DKK2: variants seen among roughly 807,000 people sequenced by gnomAD.
The protein encoded by DKK2 is dickkopf-related protein 2.
In DKK2, 11 loss-of-function variants were observed where a neutral mutation model predicts 28.1. The ratio of observed to expected loss-of-function variants is 0.39; its 90% CI spans 0.25 to 0.65. The LOEUF (loss-of-function observed/expected upper bound fraction) is 0.65, where lower values mean the gene tolerates loss of function less well. Among genes scored for constraint, DKK2 ranks in the 30% least tolerant of loss-of-function variants. The pLI is 0.47. For synonymous variants in DKK2, 135 were observed against 126.5 expected (o/e 1.07, Z -0.45); for missense variants, 326 against 335.5 (o/e 0.97, Z 0.22).
intron 1 of DKK2, among the ~76,000 whole-genome samples, chr4:106,997,242 T>A (rs1359094969): frequency 6.6e-6 from 1 of 152,194 alleles, no homozygotes. Flanking sequence ...CTTTCTATAC[T>A]TTTAACATCT....
intron 1 of DKK2, among the ~76,000 whole-genome samples, chr4:106,991,244 TGC>T (rs1723198929): frequency 6.6e-6 from 1 of 152,224 alleles, no homozygotes; most frequent in Non-Finnish European, 1.5e-5. Context: ...TTTTTGGAAT[TGC>T]CCAGGTTTGT....
At chr4:106,985,832 A>AAAAAG (rs1578368585) in intron 1 of DKK2, among the ~76,000 whole-genome samples, 1 of 151,724 alleles carries the variant, frequency 6.6e-6, no homozygotes, top group African/African-American at 2.4e-5. Context: ...AAAAAAAAGA[A>AAAAAG]AAAAGAAAAG....
At chr4:106,953,725 C>T (rs1722537807) in intron 1 of DKK2, among the ~76,000 whole-genome samples, 1 of 151,690 alleles carries the variant, frequency 6.6e-6, no homozygotes, top group Non-Finnish European at 1.5e-5. Flanking sequence ...ACACTTTAAC[C>T]TCTTTCTGAC....
chr4:107,001,602 G>A (rs1399826824), intron 1 of DKK2, among the ~76,000 whole-genome samples: 1 of 152,092 alleles, frequency 6.6e-6, no homozygotes, highest in Non-Finnish European at 1.5e-5. Context: ...AAGATGCTTG[G>A]TGCTCAGTAA....
intron 1 of DKK2, among the ~76,000 whole-genome samples, chr4:106,960,483 C>T (rs909599786): frequency 6.6e-6 from 1 of 152,034 alleles, no homozygotes; most frequent in Non-Finnish European, 1.5e-5. Flanking sequence ...GTACACTACC[C>T]AGGTGACAGG....
chr4:107,003,398 A>G (rs1244673298), intron 1 of DKK2, among the ~76,000 whole-genome samples: 2 of 152,216 alleles, frequency 1.3e-5, no homozygotes, highest in African/African-American at 2.4e-5. Context: ...AGGCCCTAGC[A>G]TTGTGCTCAC....
intron 1 of DKK2, among the ~76,000 whole-genome samples, chr4:106,975,646 C>A (rs891574695): frequency 6.6e-6 from 1 of 151,828 alleles, no homozygotes; most frequent in African/African-American, 2.4e-5. Flanking sequence ...CTTTATTAGT[C>A]TGGCTAGCAG....
chr4:107,028,298 A>C (rs970335348), intron 1 of DKK2, among the ~76,000 whole-genome samples: 2 of 152,150 alleles, frequency 1.3e-5, no homozygotes, highest in East Asian at 1.9e-4. Context: ...CTTGTACATC[A>C]TATGCATTAG....
Position 106,924,276 on chromosome 4 carries a change from G to C in DKK2, c.530-72C>G. 8 of 1,550,656 alleles carry C rather than the reference G, an allele frequency of 5.2e-6. No individual in the cohort carries two copies. The South Asian group carries it at 7.3e-5, about 14-fold the overall frequency. The stretch of plus-strand genomic sequence containing the variant: ...AAAAAATTCTATTTTGCAATCAGAA[G>C]CACATAAAATATTTTTACTTATACT... On this transcript the variant is annotated intron_variant, in intron 3 of 3. Coordinates refer to ENST00000285311, the MANE Select transcript of DKK2 (RefSeq NM_014421.3).
intron 1 of DKK2, among the ~76,000 whole-genome samples, chr4:106,983,926 C>T (rs1200433333): frequency 6.6e-6 from 1 of 152,136 alleles, no homozygotes; most frequent in Non-Finnish European, 1.5e-5. Flanking sequence ...ACACACCTAT[C>T]AGAATGCTAT....
At chr4:107,031,371 G>A (rs1723872322) in intron 1 of DKK2, among the ~76,000 whole-genome samples, 1 of 151,912 alleles carries the variant, frequency 6.6e-6, no homozygotes, top group South Asian at 2.1e-4. Context: ...TTATTTCAGT[G>A]AGCACTTTCA....
At chr4:106,994,502 C>T (rs867789287) in intron 1 of DKK2, among the ~76,000 whole-genome samples, 13 of 151,840 alleles carry the variant, frequency 8.6e-5, no homozygotes, top group Non-Finnish European at 1.6e-4. Context: ...CACACACACA[C>T]ACACACACAC....
intron 1 of DKK2, among the ~76,000 whole-genome samples, chr4:106,950,332 T>A (rs1724840153): frequency 6.6e-6 from 1 of 152,150 alleles, no homozygotes; most frequent in Admixed American, 6.6e-5. Context: ...ATCTTCAAAG[T>A]GTTTTTAGAA....
intron 1 of DKK2, among the ~76,000 whole-genome samples, chr4:106,930,636 C>T (rs909127420): frequency 2.0e-5 from 3 of 152,140 alleles, no homozygotes; most frequent in Admixed American, 6.6e-5. Flanking sequence ...CTTGCAAGAC[C>T]GTCCTCGTTT....
chr4:106,947,740 T>C (rs949270635), intron 1 of DKK2, among the ~76,000 whole-genome samples: 17 of 151,158 alleles, frequency 1.1e-4, no homozygotes, highest in African/African-American at 4.1e-4. Context: ...AGTGGCATGA[T>C]CATAGCTCAC....
At chr4:107,032,710 T>C (rs1690773585) in intron 1 of DKK2, among the ~76,000 whole-genome samples, 1 of 152,114 alleles carries the variant, frequency 6.6e-6, no homozygotes, top group African/African-American at 2.4e-5. Flanking sequence ...ACATCATCTG[T>C]CAAGTATAAA....
intron 1 of DKK2, among the ~76,000 whole-genome samples, chr4:106,943,535 A>G (rs1411288606): frequency 6.6e-6 from 1 of 152,164 alleles, no homozygotes; most frequent in Non-Finnish European, 1.5e-5. Flanking sequence ...TTGAAGTCCT[A>G]CAAAAGCTAT....
At chr4:106,960,255 A>G (rs1722667900) in intron 1 of DKK2, among the ~76,000 whole-genome samples, 1 of 151,920 alleles carries the variant, frequency 6.6e-6, no homozygotes, top group Non-Finnish European at 1.5e-5. Flanking sequence ...AAAAGAACGA[A>G]ATAATGTCTT....
intron 1 of DKK2, among the ~76,000 whole-genome samples, chr4:107,027,640 A>T (rs998888693): frequency 8.5e-5 from 13 of 152,120 alleles, no homozygotes; most frequent in Admixed American, 3.3e-4. Context: ...GGGCTATCTC[A>T]CTTTGGAAAA....
Sources: gnomAD v4.1 joint callset for allele counts (sites outside exome capture counted in the v4.1 genomes callset) on GRCh38, gnomAD v4.1.1 for gene constraint, MANE v1.5 for transcripts, NCBI Gene and HGNC (gene_info 2026-07-23, HGNC 2026-07-21) for gene names.